ARIH1: variants seen among roughly 807,000 people sequenced by gnomAD.
ARIH1 encodes the protein E3 ubiquitin-protein ligase ARIH1.
A neutral mutation model predicts 85.0 loss-of-function variants in ARIH1; 8 were observed. That is an observed-to-expected ratio of 0.09 (90% CI 0.06 to 0.17). The LOEUF (loss-of-function observed/expected upper bound fraction) is 0.17, where lower values mean the gene tolerates loss of function less well. Among genes scored for constraint, ARIH1 ranks in the 10% least tolerant of loss-of-function variants. The pLI, the probability that ARIH1 is intolerant of heterozygous loss-of-function variation, is 1.00. For missense variants in ARIH1, 311 were observed against 718.1 expected (o/e 0.43, Z 6.48); for synonymous variants, 238 against 253.6 (o/e 0.94, Z 0.59).
At position 72,585,639 on chromosome 15, in the gene ARIH1, C is replaced by A. The variant is rs1300600477; in HGVS notation, c.*2347C>A. ...AAATTGTGTGTGCACTTCCTAATACCAGTCTTCACCCATGGAGGAACAGTG... is the reference window on the plus strand; with the variant it reads ...AAATTGTGTGTGCACTTCCTAATACAAGTCTTCACCCATGGAGGAACAGTG... On this transcript the variant is annotated 3_prime_UTR_variant, in exon 14 of 14. Coordinates refer to ENST00000379887, the MANE Select transcript of ARIH1 (RefSeq NM_005744.5). 1 of 152,120 alleles carries A rather than the reference C, an allele frequency of 6.6e-6. No individual in the cohort carries two copies. Among genetic ancestry groups the A allele is most frequent in the Admixed American group, 6.6e-5 (1 of 15,266 alleles). The allele number at this position is 152,120 out of a possible 1,614,324, so 9.4% of individuals were successfully genotyped here. A position where few individuals can be genotyped will look rare whatever the true frequency, so the allele number is the denominator to read the frequency against.
At position 72,544,898 on chromosome 15, in the gene ARIH1, G is replaced by C. The variant is rs979829613; in HGVS notation, c.522G>C (p.Gln174His). The C allele has an allele frequency of 6.2e-7, 1 of 1,613,808 alleles. No individual in the cohort carries two copies. Among genetic ancestry groups the C allele is most frequent in the East Asian group, 2.2e-5 (1 of 44,870 alleles). ...CAAGTAAAAAGTCTCGAACACGCCA[G>C]ATGAATACAAGGTCATCAGCACAGG... is the stretch of plus-strand genomic sequence containing the variant. ...INPSKKSRTR[Q>H]MNTRSSAQDM... Residue 174 changes from glutamine to histidine, a missense_variant, in exon 3 of 14, where the codon CAG becomes CAC. Transcript: ENST00000379887.
intron 1 of ARIH1, 110 bp downstream of exon 1, chr15:72,475,124 T>A (rs1055873462): frequency 2.1e-6 from 3 of 1,459,910 alleles, no homozygotes; most frequent in Non-Finnish European, 9.1e-7. Context: ...CCTAGCCCGG[T>A]GCCTCCCGGC....
chr15:72,542,116 C>T (rs957803760), intron 2 of ARIH1, among the ~76,000 whole-genome samples: 7 of 151,918 alleles, frequency 4.6e-5, no homozygotes, highest in African/African-American at 1.5e-4. Flanking sequence ...CTCCTTATTA[C>T]GCAAAAATAA....
At chr15:72,496,942 T>C in intron 1 of ARIH1, 1 of 689,698 alleles carries the variant, frequency 1.4e-6, no homozygotes, top group Non-Finnish European at 1.8e-6. Context: ...AACCAGTACC[T>C]CATTATTTAA....
intron 1 of ARIH1, among the ~76,000 whole-genome samples, chr15:72,490,076 A>G (rs2063852953): frequency 6.6e-6 from 1 of 151,996 alleles, no homozygotes; most frequent in African/African-American, 2.4e-5. Flanking sequence ...CAGATTTTTC[A>G]GGGAGGCCAG....
chr15:72,511,120 A>G (rs916306243), intron 1 of ARIH1, among the ~76,000 whole-genome samples: 2 of 152,180 alleles, frequency 1.3e-5, no homozygotes, highest in Admixed American at 1.3e-4. Context: ...ATCTCTCTCC[A>G]TTATTTAGGT....
chr15:72,592,953 G>T lies in ARIH1; in HGVS notation c.*9661G>T, dbSNP rs1018537989. The T allele has an allele frequency of 6.6e-6, 1 of 152,016 alleles. No individual in the cohort carries two copies. The highest frequency in any genetic ancestry group is 1.5e-5 in the Non-Finnish European group (1 of 67,980). The allele number at this position is 152,016 out of a possible 1,614,324, so 9.4% of individuals were successfully genotyped here. A position where few individuals can be genotyped will look rare whatever the true frequency, so the allele number is the denominator to read the frequency against. On this transcript the variant is annotated 3_prime_UTR_variant, in exon 14 of 14. Coordinates refer to ENST00000379887, the MANE Select transcript of ARIH1 (RefSeq NM_005744.5). The stretch of plus-strand genomic sequence containing the variant: ...ATAAATAAGAGTAGAAAATTACTGG[G>T]TCATATGGTAAGTGCATGTTTATAA...
intron 1 of ARIH1, among the ~76,000 whole-genome samples, chr15:72,502,413 A>T (rs998395034): frequency 3.3e-5 from 5 of 152,232 alleles, no homozygotes; most frequent in South Asian, 4.1e-4. Flanking sequence ...TTTAAATCAA[A>T]TGCATATCTC....
chr15:72,481,622 G>A (rs2063816903), intron 1 of ARIH1, among the ~76,000 whole-genome samples: 3 of 152,152 alleles, frequency 2.0e-5, no homozygotes, highest in Admixed American at 1.3e-4. Context: ...GGAATTGGAG[G>A]TTGCAGTGAG....
At chr15:72,556,758 A>T (rs1483654385) in intron 5 of ARIH1, among the ~76,000 whole-genome samples, 1 of 152,166 alleles carries the variant, frequency 6.6e-6, no homozygotes, top group Non-Finnish European at 1.5e-5. Context: ...ATAGTCTTTT[A>T]TTCTCATCTT....
chr15:72,523,925 T>A (rs1159664866), intron 2 of ARIH1, among the ~76,000 whole-genome samples: 1 of 149,134 alleles, frequency 6.7e-6, no homozygotes, highest in Non-Finnish European at 1.5e-5. Flanking sequence ...AAATACCGTG[T>A]GCTACTTTTA....
intron 1 of ARIH1, among the ~76,000 whole-genome samples, chr15:72,484,964 A>G (rs1284784139): frequency 6.6e-6 from 1 of 152,188 alleles, no homozygotes; most frequent in Non-Finnish European, 1.5e-5. Flanking sequence ...TTGCTGAATC[A>G]AATAGTAGTT....
intron 2 of ARIH1, among the ~76,000 whole-genome samples, chr15:72,527,427 C>G (rs974964921): frequency 6.6e-6 from 1 of 152,068 alleles, no homozygotes; most frequent in East Asian, 1.9e-4. Context: ...TAAACTGTCT[C>G]CCTGCTCCTG....
chr15:72,518,637 A>G (rs534395433), intron 2 of ARIH1, among the ~76,000 whole-genome samples: 22 of 152,078 alleles, frequency 1.4e-4, no homozygotes, highest in South Asian at 8.3e-4. Flanking sequence ...AAAATACAAA[A>G]ATTAGCTGGG....
intron 2 of ARIH1, among the ~76,000 whole-genome samples, chr15:72,537,048 A>C (rs181096105): frequency 1.5e-3 from 235 of 152,242 alleles, no homozygotes; most frequent in African/African-American, 5.5e-3. Context: ...TAAGAAACCT[A>C]AGTCTTTTAT....
chr15:72,592,953 G>C lies in ARIH1; in HGVS notation c.*9661G>C, dbSNP rs1018537989. On this transcript the variant is annotated 3_prime_UTR_variant, in exon 14 of 14. Transcript: ENST00000379887. ...ATAAATAAGAGTAGAAAATTACTGG[G>C]TCATATGGTAAGTGCATGTTTATAA... The C allele has an allele frequency of 6.6e-6, 1 of 152,134 alleles. No homozygotes were observed. The highest frequency in any genetic ancestry group is 1.9e-4 in the East Asian group (1 of 5,188). 9.4% of individuals were successfully genotyped at this position (152,134 alleles called of 1,614,324 possible). A position where few individuals can be genotyped will look rare whatever the true frequency, so the allele number is the denominator to read the frequency against.
rs1002420076 is a variant in ARIH1, at chr15:72,582,318, T to A, written c.1589+131T>A. On this transcript the variant is annotated intron_variant, in intron 13 of 13. Coordinates refer to ENST00000379887, the MANE Select transcript of ARIH1 (RefSeq NM_005744.5). This position sits in a 1 kb window ranked among gnomAD's most constrained non-coding sequence, Gnocchi z 4.6. ...TTTTGCCATGTTTCTCACAGATTGC[T>A]TCTGTCCGTTGGGCACTAAATTGCA... 6.4e-6 allele frequency: 4 copies of A among 628,110 alleles called. No individual in the cohort carries two copies. In the African/African-American group the frequency reaches 7.4e-5, roughly 12 times the overall value. 38.9% of individuals were successfully genotyped at this position (628,110 alleles called of 1,614,324 possible).
At chr15:72,477,934 C>T (rs929871052) in intron 1 of ARIH1, among the ~76,000 whole-genome samples, 2 of 151,900 alleles carry the variant, frequency 1.3e-5, no homozygotes, top group African/African-American at 2.4e-5. Flanking sequence ...AGCTTCCCCC[C>T]CTACCCCAGT....
chr15:72,483,111 C>T (rs1222276618), intron 1 of ARIH1, among the ~76,000 whole-genome samples: 1 of 152,280 alleles, frequency 6.6e-6, no homozygotes, highest in East Asian at 1.9e-4. Flanking sequence ...ATCTGCCCGC[C>T]TTAGCCTCCT....
Sources: allele counts gnomAD v4.1 joint callset (sites outside exome capture counted in the v4.1 genomes callset), GRCh38; gene constraint gnomAD v4.1.1; non-coding constraint Gnocchi (gnomAD v3.1); transcripts MANE v1.5; gene names NCBI Gene and HGNC (gene_info 2026-07-23, HGNC 2026-07-21).